IPO8: variants seen among roughly 807,000 people sequenced by gnomAD.
IPO8 encodes importin 8.
IPO8 carries 65 observed loss-of-function variants against 141.2 expected under a neutral mutation model. The ratio of observed to expected loss-of-function variants is 0.46; its 90% CI spans 0.38 to 0.57. The LOEUF is 0.57. IPO8 is among the 20% of genes least tolerant of loss of function. The pLI is 0.00. For missense variants in IPO8, 980 were observed against 1,246.8 expected (o/e 0.79, Z 3.22); for synonymous variants, 411 against 420.3 (o/e 0.98, Z 0.27).
chr12:30,644,899 C>T (rs766551586), intron 20 of IPO8, among the ~76,000 whole-genome samples: 2 of 151,320 alleles, frequency 1.3e-5, no homozygotes, highest in Non-Finnish European at 1.5e-5. Context: ...GTGATCCACC[C>T]GCCTCAGCCT....
intron 20 of IPO8, among the ~76,000 whole-genome samples, chr12:30,648,138 C>T (rs1331488392): frequency 6.6e-6 from 1 of 152,186 alleles, no homozygotes; most frequent in Non-Finnish European, 1.5e-5. Context: ...AAGTTCCTAA[C>T]AGCATTATTC....
chr12:30,658,638 C>A (rs747516380), intron 16 of IPO8, among the ~76,000 whole-genome samples: 1 of 152,152 alleles, frequency 6.6e-6, no homozygotes, highest in Non-Finnish European at 1.5e-5. Flanking sequence ...CCCACACACA[C>A]TTGTGAAAAC....
At chr12:30,683,826 T>C (rs1038515102) in intron 3 of IPO8, among the ~76,000 whole-genome samples, 3 of 152,202 alleles carry the variant, frequency 2.0e-5, no homozygotes, top group African/African-American at 7.2e-5. Context: ...GTTCTTCTAG[T>C]TTATACCTAC....
intron 2 of IPO8, 122 bp downstream of exon 2, chr12:30,690,374 T>TA: frequency 1.6e-6 from 1 of 634,044 alleles, no homozygotes; most frequent in Non-Finnish European, 2.7e-6. Context: ...TCACTGGAAA[T>TA]ACTTCATGAG....
At chr12:30,650,340 T>C (rs2052708526) in intron 19 of IPO8, among the ~76,000 whole-genome samples, 1 of 152,118 alleles carries the variant, frequency 6.6e-6, no homozygotes. Flanking sequence ...ATTTTAAAGA[T>C]GTACATATAC....
intron 1 of IPO8, among the ~76,000 whole-genome samples, chr12:30,692,857 T>C (rs1196346989): frequency 6.6e-6 from 1 of 152,220 alleles, no homozygotes; most frequent in Non-Finnish European, 1.5e-5. Flanking sequence ...AGAATGGCTA[T>C]ACATCCCAAC....
At chr12:30,664,282 G>T (rs1210375725) in intron 13 of IPO8, among the ~76,000 whole-genome samples, 1 of 152,080 alleles carries the variant, frequency 6.6e-6, no homozygotes, top group East Asian at 1.9e-4. Context: ...TGCCCTCAGC[G>T]TCCCTAGTCC....
At chr12:30,685,143 CTTT>C (rs763211235) in intron 2 of IPO8, among the ~76,000 whole-genome samples, 1 of 142,030 alleles carries the variant, frequency 7.0e-6, no homozygotes. Flanking sequence ...CTTTTCTTTT[CTTT>C]TTTTTTTTTT....
chr12:30,659,388 C>T (rs942608983), intron 16 of IPO8, among the ~76,000 whole-genome samples: 1 of 148,490 alleles, frequency 6.7e-6, no homozygotes, highest in Middle Eastern at 3.5e-3. Context: ...TGAGGCAGCA[C>T]AATCACTTGA....
intron 6 of IPO8, among the ~76,000 whole-genome samples, chr12:30,675,345 T>A (rs2053105512): frequency 6.6e-6 from 1 of 152,216 alleles, no homozygotes; most frequent in African/African-American, 2.4e-5. Flanking sequence ...CAGTCACTGC[T>A]TATTAAAGTG....
At chr12:30,671,924 C>G (rs1310942216) in intron 8 of IPO8, among the ~76,000 whole-genome samples, 1 of 151,826 alleles carries the variant, frequency 6.6e-6, no homozygotes, top group Non-Finnish European at 1.5e-5. Context: ...TTAACACTGA[C>G]AAAAAATGAT....
intron 5 of IPO8, chr12:30,677,081 G>A (rs1444311292): frequency 6.6e-7 from 1 of 1,517,500 alleles, no homozygotes; most frequent in South Asian, 1.2e-5. Flanking sequence ...GACGGATATT[G>A]CCTCCACATC....
At chr12:30,691,918 AGTC>A (rs1202108086) in intron 1 of IPO8, among the ~76,000 whole-genome samples, 1 of 152,200 alleles carries the variant, frequency 6.6e-6, no homozygotes, top group Non-Finnish European at 1.5e-5. Flanking sequence ...CATCCTGTGT[AGTC>A]TTCAGATCAC....
chr12:30,661,346 T>C (rs1230434924), intron 15 of IPO8, 80 bp from the exon 16 acceptor site: 21 of 1,339,206 alleles, frequency 1.6e-5, no homozygotes, highest in Admixed American at 2.5e-5. Context: ...AAAATGGCAG[T>C]GTCACACATC....
At chr12:30,666,110 T>C (rs2052961321) in intron 11 of IPO8, 65 bp downstream of exon 11, 2 of 985,504 alleles carry the variant, frequency 2.0e-6, no homozygotes, top group Non-Finnish European at 3.0e-6. Flanking sequence ...ACTAGGGATA[T>C]ACTAGAGTAT....
chr12:30,680,425 C>G (rs2053176813), intron 5 of IPO8, 57 bp downstream of exon 5: 2 of 1,364,548 alleles, frequency 1.5e-6, no homozygotes, highest in Non-Finnish European at 2.0e-6. Flanking sequence ...TGAGCACTTT[C>G]CATGTGTCAG....
chr12:30,695,233 A>G lies in IPO8; in HGVS notation c.84+331T>C. ...ACCTGCTCCCCAAGTCCGCGCACTT[A>G]AGGAAAATAAATCACACCCTGAAAA... On this transcript the variant is annotated intron_variant, in intron 1 of 24. Transcript: ENST00000256079. This position sits in a 1 kb window ranked among gnomAD's most constrained non-coding sequence, Gnocchi z 4.2. The G allele has an allele frequency of 8.6e-6, 4 of 462,486 alleles. No individual in the cohort carries two copies. The highest frequency in any genetic ancestry group is 8.4e-5 in the South Asian group (4 of 47,542). 28.6% of individuals were successfully genotyped at this position (462,486 alleles called of 1,614,324 possible).
chr12:30,690,063 C>T lies in IPO8; in HGVS notation c.166+433G>A, dbSNP rs369807276. Among the ~76,000 whole-genome samples, 9 of 152,294 alleles carry T rather than the reference C, an allele frequency of 5.9e-5. 1 individual carries two copies. Among genetic ancestry groups the T allele is most frequent in the African/African-American group, 1.2e-4 (5 of 41,560 alleles). ...TCATGTTTAAAACATAGTCCTGCTC[C>T]GCAGTCACCTGGGTTAGGAACATCT... is the stretch of plus-strand genomic sequence containing the variant. On this transcript the variant is annotated intron_variant, in intron 2 of 24. Coordinates refer to ENST00000256079, the MANE Select transcript of IPO8 (RefSeq NM_006390.4).
chr12:30,653,990 G>A (rs2052762024), intron 17 of IPO8, among the ~76,000 whole-genome samples: 1 of 151,954 alleles, frequency 6.6e-6, no homozygotes. Flanking sequence ...GCATGGCACT[G>A]GGATAAAAAC....
Sources: gnomAD v4.1 joint callset for allele counts (sites outside exome capture counted in the v4.1 genomes callset) on GRCh38, gnomAD v4.1.1 for gene constraint, Gnocchi (gnomAD v3.1) non-coding constraint, MANE v1.5 for transcripts, NCBI Gene and HGNC (gene_info 2026-07-23, HGNC 2026-07-21) for gene names.